Variants in SENP6 observed in about 807,000 individuals in gnomAD.
SENP6 encodes sentrin-specific protease 6.
SENP6 carries 41 observed loss-of-function variants against 134.5 expected under a neutral mutation model. The ratio of observed to expected loss-of-function variants is 0.30; its 90% CI spans 0.24 to 0.40. The LOEUF (loss-of-function observed/expected upper bound fraction) is 0.40, where lower values mean the gene tolerates loss of function less well. Ranked by LOEUF, SENP6 falls within the 10% of genes least tolerant of loss-of-function variation. SENP6 has a pLI of 1.00. For missense variants in SENP6, 1,248 were observed against 1,312.5 expected, an observed-to-expected ratio of 0.95 and a Z score of 0.76; for synonymous variants, 395 against 429.8, an observed-to-expected ratio of 0.92 and a Z score of 1.00.
intron 7 of SENP6, among the ~76,000 whole-genome samples, chr6:75,652,046 G>A (rs1232878938): frequency 2.0e-5 from 3 of 151,510 alleles, no homozygotes; most frequent in South Asian, 2.1e-4. Flanking sequence ...GTATAGTGGC[G>A]TGTGCCTGTA....
intron 23 of SENP6, among the ~76,000 whole-genome samples, chr6:75,714,847 C>T (rs1036678168): frequency 1.1e-4 from 17 of 152,326 alleles, no homozygotes; most frequent in African/African-American, 3.6e-4. Context: ...ATTCATTCTT[C>T]AGGTCTTAGC....
At chr6:75,611,537 T>C (rs1400895008) in intron 1 of SENP6, 1 of 152,246 alleles carries the variant, frequency 6.6e-6, no homozygotes, top group Non-Finnish European at 1.5e-5. Context: ...TCAAATTTCA[T>C]TGGTCTGTCT....
intron 16 of SENP6, among the ~76,000 whole-genome samples, chr6:75,684,810 T>C (rs1421036363): frequency 1.3e-5 from 2 of 152,248 alleles, no homozygotes; most frequent in African/African-American, 2.4e-5. Context: ...CAGTGTTTTA[T>C]TGAGGATTTT....
intron 16 of SENP6, among the ~76,000 whole-genome samples, chr6:75,692,347 CAG>C (rs1774336575): frequency 6.6e-6 from 1 of 152,090 alleles, no homozygotes; most frequent in South Asian, 2.1e-4. Context: ...AGGCCAGGTG[CAG>C]TGACTCACAC....
intron 1 of SENP6, 38 bp downstream of exon 1, chr6:75,602,614 G>A (rs1280752992): frequency 1.3e-6 from 2 of 1,545,534 alleles, no homozygotes; most frequent in Non-Finnish European, 1.8e-6. Context: ...AGAAGGGAGG[G>A]TATACTGGAA....
chr6:75,704,809 G>A (rs758060457), intron 19 of SENP6, among the ~76,000 whole-genome samples: 1 of 152,164 alleles, frequency 6.6e-6, no homozygotes, highest in Non-Finnish European at 1.5e-5. Context: ...CTGGTTTATC[G>A]AGACTAGAGA....
intron 1 of SENP6, among the ~76,000 whole-genome samples, chr6:75,614,545 C>T (rs1276687644): frequency 3.3e-5 from 5 of 152,124 alleles, no homozygotes; most frequent in Non-Finnish European, 5.9e-5. Context: ...GGATTACAGG[C>T]GTGAGCCACT....
chr6:75,639,070 G>T (rs1370244630), intron 5 of SENP6, among the ~76,000 whole-genome samples: 1 of 151,976 alleles, frequency 6.6e-6, no homozygotes, highest in Non-Finnish European at 1.5e-5. Flanking sequence ...AAAAACAAGA[G>T]AGTACTAAAC....
chr6:75,605,256 CA>C (rs1286360608), intron 1 of SENP6, among the ~76,000 whole-genome samples: 3 of 152,196 alleles, frequency 2.0e-5, no homozygotes, highest in Non-Finnish European at 4.4e-5. Context: ...ATTTGCTCAT[CA>C]CATTTACAGC....
At chr6:75,689,392 C>T (rs959342354) in intron 16 of SENP6, among the ~76,000 whole-genome samples, 7 of 152,022 alleles carry the variant, frequency 4.6e-5, no homozygotes, top group Non-Finnish European at 7.4e-5. Flanking sequence ...CATCTCACAT[C>T]CATTAGGATG....
chr6:75,652,298 A>G, intron 7 of SENP6, among the ~76,000 whole-genome samples: 1 of 151,874 alleles, frequency 6.6e-6, no homozygotes, highest in East Asian at 1.9e-4. Context: ...GGCATGAGCC[A>G]CCACGCCCAG....
At chr6:75,628,071 A>T (rs1561980942) in intron 3 of SENP6, among the ~76,000 whole-genome samples, 1 of 152,244 alleles carries the variant, frequency 6.6e-6, no homozygotes, top group East Asian at 1.9e-4. Flanking sequence ...TACAGGACAC[A>T]TTGATTTATT....
At chr6:75,682,133 A>G (rs986807108) in intron 16 of SENP6, among the ~76,000 whole-genome samples, 1 of 152,212 alleles carries the variant, frequency 6.6e-6, no homozygotes, top group Non-Finnish European at 1.5e-5. Flanking sequence ...GAAAATTACC[A>G]GGGATCAAGA....
chr6:75,671,661 G>A (rs1247657379), intron 11 of SENP6, among the ~76,000 whole-genome samples: 2 of 152,214 alleles, frequency 1.3e-5, no homozygotes, highest in Non-Finnish European at 2.9e-5. Flanking sequence ...GGCAGAGGTT[G>A]CAGTGAGCCG....
chr6:75,638,415 A>G (rs1446747962), intron 5 of SENP6, among the ~76,000 whole-genome samples: 1 of 150,140 alleles, frequency 6.7e-6, no homozygotes, highest in Admixed American at 6.6e-5. Context: ...ACATGAAAGC[A>G]ACTCTAGGGC....
chr6:75,707,344 T>G (rs1341469654), intron 19 of SENP6, among the ~76,000 whole-genome samples: 1 of 144,058 alleles, frequency 6.9e-6, no homozygotes, highest in Non-Finnish European at 1.5e-5. Context: ...ATTTTTTTCT[T>G]TCTTCTTCTT....
At chr6:75,703,274 A>T (rs951336380) in intron 19 of SENP6, among the ~76,000 whole-genome samples, 1 of 151,878 alleles carries the variant, frequency 6.6e-6, no homozygotes, top group Non-Finnish European at 1.5e-5. Flanking sequence ...TGGGCAACAT[A>T]GCGAGACCCA....
intron 19 of SENP6, among the ~76,000 whole-genome samples, chr6:75,704,808 C>T (rs1234230831): frequency 2.6e-5 from 4 of 152,112 alleles, no homozygotes; most frequent in African/African-American, 9.7e-5. Flanking sequence ...CCTGGTTTAT[C>T]GAGACTAGAG....
chr6:75,651,121 A>AT (rs1770827264), intron 7 of SENP6, among the ~76,000 whole-genome samples: 1 of 151,942 alleles, frequency 6.6e-6, no homozygotes, highest in South Asian at 2.1e-4. Flanking sequence ...TGCTTTAAAA[A>AT]TTTTTTCTAA....
Sources: allele counts gnomAD v4.1 joint callset (sites outside exome capture counted in the v4.1 genomes callset), GRCh38; gene constraint gnomAD v4.1.1; transcripts MANE v1.5; gene names NCBI Gene and HGNC (gene_info 2026-07-23, HGNC 2026-07-21).